NUP93: variants seen among roughly 807,000 people sequenced by gnomAD.
The protein encoded by NUP93 is nuclear pore complex protein Nup93.
NUP93 carries 55 observed loss-of-function variants against 107.8 expected under a neutral mutation model. The observed-to-expected ratio is 0.51, with a 90% confidence interval of 0.41 to 0.64. NUP93 has a LOEUF of 0.64. Among genes scored for constraint, NUP93 ranks in the 30% least tolerant of loss-of-function variants. The pLI is 0.00. For synonymous variants in NUP93, 390 were observed against 397.5 expected (o/e 0.98, Z 0.22); for missense variants, 937 against 1,044.7 (o/e 0.90, Z 1.42).
At chr16:56,823,505 G>T (rs1231836434) in intron 7 of NUP93, among the ~76,000 whole-genome samples, 1 of 152,168 alleles carries the variant, frequency 6.6e-6, no homozygotes, top group East Asian at 1.9e-4. Flanking sequence ...GGGCAGGGGT[G>T]CTCATCGGTG....
chr16:56,842,933 T>G (rs11860701), intron 21 of NUP93, among the ~76,000 whole-genome samples: 14,759 of 152,196 alleles, frequency 0.097, 748 homozygotes, highest in East Asian at 0.15. Flanking sequence ...TCTCAGTGTC[T>G]AACATCAGAC....
At chr16:56,784,394 A>T (rs1240045893) in intron 3 of NUP93, among the ~76,000 whole-genome samples, 1 of 152,216 alleles carries the variant, frequency 6.6e-6, no homozygotes, top group African/African-American at 2.4e-5. Context: ...GTTTTCAAAG[A>T]TCAATAGATT....
At chr16:56,776,136 T>C (rs987629274) in intron 3 of NUP93, among the ~76,000 whole-genome samples, 4 of 152,188 alleles carry the variant, frequency 2.6e-5, no homozygotes, top group Non-Finnish European at 5.9e-5. Flanking sequence ...ATTTTGCGTT[T>C]AAGTTTTCTT....
intron 1 of NUP93, 102 bp from the exon 2 acceptor site, chr16:56,748,132 A>G: frequency 1.3e-6 from 1 of 758,208 alleles, no homozygotes; most frequent in Non-Finnish European, 2.1e-6. Flanking sequence ...TCGTCTGTTT[A>G]CAAAAAGTTC....
intron 19 of NUP93, 114 bp from the exon 20 acceptor site, chr16:56,839,407 T>C (rs1288606804): frequency 1.4e-6 from 1 of 703,012 alleles, no homozygotes. Flanking sequence ...CAAGGAGGAA[T>C]GGCGTTTTCT....
intron 7 of NUP93, among the ~76,000 whole-genome samples, chr16:56,822,332 C>G (rs1271790612): frequency 6.6e-6 from 1 of 151,530 alleles, no homozygotes; most frequent in Non-Finnish European, 1.5e-5. Flanking sequence ...GGCAACATGG[C>G]AAGACCTCTT....
chr16:56,743,316 T>C (rs1425904202), intron 1 of NUP93, among the ~76,000 whole-genome samples: 2 of 152,244 alleles, frequency 1.3e-5, no homozygotes, highest in African/African-American at 2.4e-5. Context: ...TAAAGGGACA[T>C]GTGTTTTAGA....
chr16:56,814,826 G>A (rs1379731878), intron 5 of NUP93, among the ~76,000 whole-genome samples: 4 of 152,148 alleles, frequency 2.6e-5, no homozygotes, highest in Non-Finnish European at 4.4e-5. Context: ...TTGTCCTGTC[G>A]TCCTTGCTAT....
chr16:56,748,412 G>T lies in NUP93; in HGVS notation c.165G>T (p.Thr55=). 1 of 1,612,506 alleles carries T rather than the reference G, an allele frequency of 6.2e-7. No individual in the cohort carries two copies. The highest frequency in any genetic ancestry group is 1.1e-5 in the South Asian group (1 of 90,966). ...SRTLTRTSQE[T]ADVKASVLLG... is the part of the protein sequence containing the mutation. ...CCCTAACACGCACGTCCCAGGAGAC[G>T]GCAGATGTCAAGGCGTGAGTACTGG... Residue 55 remains threonine (T), a synonymous_variant, in exon 2 of 22, where the codon ACG becomes ACT. Transcript: ENST00000308159.
At chr16:56,752,280 T>C (rs948665316) in intron 2 of NUP93, among the ~76,000 whole-genome samples, 6 of 152,110 alleles carry the variant, frequency 3.9e-5, no homozygotes, top group African/African-American at 1.4e-4. Flanking sequence ...AAGAAAACCC[T>C]GTGCACAGGG....
chr16:56,755,133 TATATA>T (rs1961995751), intron 2 of NUP93, among the ~76,000 whole-genome samples: 1 of 152,174 alleles, frequency 6.6e-6, no homozygotes, highest in Non-Finnish European at 1.5e-5. Flanking sequence ...CACTCATAGG[TATATA>T]CCTAAGAGAA....
chr16:56,830,301 C>CAT lies in NUP93; in HGVS notation c.928-224_928-223dup, dbSNP rs145301343. 5.1e-3 allele frequency among the ~76,000 whole-genome samples: 783 copies of CAT among 152,298 alleles called. 10 individuals carry two copies. Among genetic ancestry groups the CAT allele is most frequent in the African/African-American group, 0.018 (760 of 41,550 alleles). On this transcript the variant is annotated intron_variant, in intron 9 of 21. Transcript: ENST00000308159. ...CACTTCAGAGGAAAAGCTCTGGAGC[C>CAT]ATATTGCCACTTAACAGCTTACTTG...
chr16:56,772,009 ATTCTTT>A (rs1359485048), intron 3 of NUP93, among the ~76,000 whole-genome samples: 4 of 151,612 alleles, frequency 2.6e-5, no homozygotes, highest in Non-Finnish European at 4.4e-5. Flanking sequence ...CTTCCCTTTC[ATTCTTT>A]TTCTTTTTCT....
intron 6 of NUP93, 96 bp from the exon 7 acceptor site, chr16:56,821,408 T>G: frequency 1.3e-6 from 1 of 791,758 alleles, no homozygotes; most frequent in Non-Finnish European, 2.1e-6. Flanking sequence ...AAGGAAAGGT[T>G]GGCCGAAGCT....
At chr16:56,741,714 G>A (rs1036660542) in intron 1 of NUP93, 1 of 152,178 alleles carries the variant, frequency 6.6e-6, no homozygotes, top group African/African-American at 2.4e-5. Flanking sequence ...TTTCTCTGAT[G>A]TATATAAAAT....
chr16:56,761,895 C>T (rs567919397), intron 3 of NUP93, among the ~76,000 whole-genome samples: 1 of 152,124 alleles, frequency 6.6e-6, no homozygotes, highest in South Asian at 2.1e-4. Context: ...ATTGTGAATG[C>T]ATTTTAAAAA....
At chr16:56,795,450 CTGCCCCCTT>C (rs1457983970) in intron 3 of NUP93, among the ~76,000 whole-genome samples, 3 of 152,096 alleles carry the variant, frequency 2.0e-5, no homozygotes, top group Non-Finnish European at 4.4e-5. Flanking sequence ...TGGTGACAAG[CTGCCCCCTT>C]CTGAATGAAC....
At position 56,834,179 on chromosome 16, in the gene NUP93, G is replaced by A. The variant is rs1435168393; in HGVS notation, c.1589G>A (p.Arg530Gln). ...PPCLRRLNFVRLLMLYTRKFE... is the reference protein window; with the variant it reads ...PPCLRRLNFVQLLMLYTRKFE... ...TGCTTGCGGCGGCTGAACTTCGTGCGGCTCCTCATGCTGTACACCCGGAAG... is the reference window on the plus strand; with the variant it reads ...TGCTTGCGGCGGCTGAACTTCGTGCAGCTCCTCATGCTGTACACCCGGAAG... Residue 530 changes from arginine (R) to glutamine (Q), a missense_variant, in exon 14 of 22, where the codon CGG becomes CAG. Transcript: ENST00000308159. The A allele has an allele frequency of 9.9e-6, 16 of 1,614,018 alleles. No homozygotes were observed. Among genetic ancestry groups the A allele is most frequent in the East Asian group, 4.5e-5 (2 of 44,890 alleles).
intron 8 of NUP93, among the ~76,000 whole-genome samples, chr16:56,825,922 A>G (rs950840487): frequency 6.6e-6 from 1 of 152,226 alleles, no homozygotes; most frequent in Non-Finnish European, 1.5e-5. Context: ...CAGTATGCAT[A>G]TAATAGTTCA....
Sources: gnomAD v4.1 joint callset for allele counts (sites outside exome capture counted in the v4.1 genomes callset) on GRCh38, gnomAD v4.1.1 for gene constraint, MANE v1.5 for transcripts, NCBI Gene and HGNC (gene_info 2026-07-23, HGNC 2026-07-21) for gene names.